The following DENND10 variants were observed in gnomAD, a reference collection of about 807,000 sequenced individuals.
DENND10 encodes the protein DENN domain containing 10, also known as DENN domain-containing protein 10.
DENND10 carries 24 observed loss-of-function variants against 43.6 expected under a neutral mutation model. The observed-to-expected ratio is 0.55, with a 90% CI of 0.40 to 0.77. The LOEUF is 0.77. Ranked by LOEUF, DENND10 falls within the 30% of genes least tolerant of loss-of-function variation. The probability of loss-of-function intolerance (pLI) is 0.00; values close to 1 mark genes in which losing one functional copy is unlikely to be tolerated. For synonymous variants in DENND10, 125 were observed against 157.6 expected, an observed-to-expected ratio of 0.79 and a Z score of 1.55; for missense variants, 303 against 429.9, an observed-to-expected ratio of 0.70 and a Z score of 2.61.
intron 3 of DENND10, among the ~76,000 whole-genome samples, chr10:119,115,983 C>CT (rs1313931525): frequency 6.6e-6 from 1 of 152,066 alleles, no homozygotes; most frequent in Non-Finnish European, 1.5e-5. Flanking sequence ...GGGCTGGTCT[C>CT]TAACTCCTGG....
At chr10:119,111,796 T>C in intron 2 of DENND10, 53 bp from the exon 3 acceptor site, 1 of 1,358,434 alleles carries the variant, frequency 7.4e-7, no homozygotes, top group South Asian at 1.2e-5. Context: ...GTAATAAAAA[T>C]TCTGCTAAAG....
intron 1 of DENND10, chr10:119,104,744 C>G (rs937098031): frequency 6.6e-6 from 1 of 152,272 alleles, no homozygotes; most frequent in Non-Finnish European, 1.5e-5. Flanking sequence ...GCGCGTTGTA[C>G]ACACATTGTC....
Position 119,132,320 on chromosome 10 carries a change from A to C in DENND10, c.803-195A>C, listed in dbSNP as rs1476705533. ...TGATGTGTTTTTATGTTTGCCCAGA[A>C]GTATAAATCACGATTATATTATGCC... is the stretch of plus-strand genomic sequence containing the variant. On this transcript the variant is annotated intron_variant, in intron 7 of 8. Transcript: ENST00000361432. The surrounding 1 kb of genome is among the most constrained non-coding windows in gnomAD (Gnocchi z 4.2). 1.3e-5 allele frequency among the ~76,000 whole-genome samples: 2 copies of C among 152,180 alleles called. No homozygotes were observed. The highest frequency in any genetic ancestry group is 1.3e-4 in the Admixed American group (2 of 15,266).
chr10:119,129,450 A>G (rs2133523906), intron 6 of DENND10, 65 bp from the exon 7 acceptor site: 3 of 1,069,636 alleles, frequency 2.8e-6, no homozygotes, highest in Admixed American at 3.6e-5. Context: ...TTTAGACCCA[A>G]TTCTTTTGAT....
chr10:119,108,490 A>G (rs1844811239), intron 2 of DENND10, among the ~76,000 whole-genome samples: 2 of 148,336 alleles, frequency 1.3e-5, no homozygotes, highest in Admixed American at 6.7e-5. Flanking sequence ...TCAAAAAAAA[A>G]AAAAAAAAGA....
chr10:119,106,138 G>A (rs1229969609), intron 1 of DENND10, among the ~76,000 whole-genome samples: 1 of 152,180 alleles, frequency 6.6e-6, no homozygotes, highest in East Asian at 1.9e-4. Flanking sequence ...AAGTTGCAGT[G>A]AGCTGAGATC....
intron 3 of DENND10, among the ~76,000 whole-genome samples, chr10:119,112,949 A>T (rs1845048510): frequency 1.3e-5 from 2 of 151,884 alleles, no homozygotes; most frequent in African/African-American, 4.8e-5. Flanking sequence ...TCCTGGGTTC[A>T]AGCGATTCTC....
chr10:119,126,208 G>A (rs921396409), intron 6 of DENND10, among the ~76,000 whole-genome samples: 2 of 151,988 alleles, frequency 1.3e-5, no homozygotes, highest in African/African-American at 4.8e-5. Context: ...ATCTGTTGAT[G>A]GACACTCAGT....
At chr10:119,124,037 C>CAAAA (rs1401283279) in intron 6 of DENND10, among the ~76,000 whole-genome samples, 1 of 148,972 alleles carries the variant, frequency 6.7e-6, no homozygotes, top group African/African-American at 2.5e-5. Flanking sequence ...ACTAAAAATA[C>CAAAA]AAAAAATTAG....
chr10:119,110,706 C>T lies in DENND10; in HGVS notation c.253-1143C>T, dbSNP rs372004954. On this transcript the variant is annotated intron_variant, in intron 2 of 8. Coordinates refer to ENST00000361432, the MANE Select transcript of DENND10 (RefSeq NM_207009.4). Reference sequence around the variant, plus strand: ...TCCTGACCTTGTGATCCACCTGCCTCGGCCTCCCAAAGTGCTGGGATTACA... The same window carrying T: ...TCCTGACCTTGTGATCCACCTGCCTTGGCCTCCCAAAGTGCTGGGATTACA... Among the ~76,000 whole-genome samples the T allele has an allele frequency of 4.6e-5, 7 of 152,074 alleles. No individual in the cohort carries two copies. The East Asian group carries it at 7.7e-4, about 17-fold the overall frequency.
chr10:119,135,791 TA>T (rs367836571), intron 8 of DENND10, among the ~76,000 whole-genome samples: 2,381 of 63,726 alleles, frequency 0.037, 68 homozygotes, highest in African/African-American at 0.1. Flanking sequence ...ACTAAAATTG[TA>T]AAAAAAAAAA....
At chr10:119,118,138 C>T (rs1285785509) in intron 4 of DENND10, among the ~76,000 whole-genome samples, 3 of 152,052 alleles carry the variant, frequency 2.0e-5, no homozygotes, top group Non-Finnish European at 2.9e-5. Context: ...TCCTTCCATA[C>T]GTTATTTTCA....
intron 4 of DENND10, among the ~76,000 whole-genome samples, chr10:119,119,830 C>T (rs530893847): frequency 6.6e-6 from 1 of 152,040 alleles, no homozygotes; most frequent in Non-Finnish European, 1.5e-5. Context: ...CTATGCATCC[C>T]ATCATAGAGT....
At chr10:119,129,327 C>T (rs1248429995) in intron 6 of DENND10, 188 bp from the exon 7 acceptor site, 13 of 581,892 alleles carry the variant, frequency 2.2e-5, no homozygotes, top group African/African-American at 7.5e-5. Flanking sequence ...GAATATCTGG[C>T]GTTGTGTGAA....
intron 6 of DENND10, among the ~76,000 whole-genome samples, chr10:119,127,049 C>T (rs2133515694): frequency 6.6e-6 from 1 of 151,720 alleles, no homozygotes; most frequent in African/African-American, 2.4e-5. Flanking sequence ...CAGGCACGTG[C>T]CACCATGCCT....
At position 119,136,382 on chromosome 10, in the gene DENND10, A is replaced by G. The variant is rs1410430972; in HGVS notation, c.898-89A>G. 2.1e-6 allele frequency: 3 copies of G among 1,455,202 alleles called. No homozygotes were observed. The East Asian group carries it at 6.9e-5, about 34-fold the overall frequency. The allele number at this position is 1,455,202 out of a possible 1,614,324, so 90.1% of individuals were successfully genotyped here. Reference sequence around the variant, plus strand: ...AGCTCATTTTTCATAGTTTATAAACAGTCTGGAAAAAATAGGAAGAATTCT... The same window carrying G: ...AGCTCATTTTTCATAGTTTATAAACGGTCTGGAAAAAATAGGAAGAATTCT... On this transcript the variant is annotated intron_variant, in intron 8 of 8. Transcript: ENST00000361432.
In DENND10 at chr10:119,136,597, G is replaced by T. The variant is rs1328552559; in HGVS notation, c.1024G>T (p.Glu342Ter). The change falls in exon 9 of 9, where the codon GAA becomes TAA. Residue 342 changes from glutamate to a stop codon, truncating the protein, a stop_gained. Transcript: ENST00000361432. LOFTEE classifies it high-confidence loss of function. ...GCAAAAACGATTTCCACCAGCAACA[G>T]AAAACTTCCTTTATCATCTAGCAGC... ...LKQKRFPPAT[E>*]NFLYHLAAAE... 3 of 1,576,674 alleles carry T rather than the reference G, an allele frequency of 1.9e-6. No individual in the cohort carries two copies. The East Asian group carries it at 6.7e-5, about 35-fold the overall frequency.
chr10:119,123,875 ATT>A (rs75237743), intron 6 of DENND10, among the ~76,000 whole-genome samples: 3 of 142,624 alleles, frequency 2.1e-5, no homozygotes, highest in Non-Finnish European at 3.0e-5. Flanking sequence ...TTGCCCTTAA[ATT>A]TTTTTTTTTT....
intron 6 of DENND10, among the ~76,000 whole-genome samples, chr10:119,124,779 TG>T (rs1845751993): frequency 6.6e-6 from 1 of 152,038 alleles, no homozygotes; most frequent in South Asian, 2.1e-4. Flanking sequence ...AGCCTGTTTT[TG>T]GCTGGGCACA....
Sources: allele counts gnomAD v4.1 joint callset (sites outside exome capture counted in the v4.1 genomes callset), GRCh38; gene constraint gnomAD v4.1.1; non-coding constraint Gnocchi (gnomAD v3.1); transcripts MANE v1.5; gene names NCBI Gene and HGNC (gene_info 2026-07-23, HGNC 2026-07-21).